DNAH3: variants seen among roughly 807,000 people sequenced by gnomAD.
DNAH3 encodes the protein dynein axonemal heavy chain 3.
DNAH3 carries 332 observed loss-of-function variants against 432.5 expected under a neutral mutation model. The ratio of observed to expected loss-of-function variants is 0.77; its 90% confidence interval spans 0.70 to 0.84. The LOEUF (loss-of-function observed/expected upper bound fraction) is 0.84, where lower values mean the gene tolerates loss of function less well. Ranked by LOEUF, DNAH3 falls within the 40% of genes least tolerant of loss-of-function variation. DNAH3 has a pLI of 0.00. For missense variants in DNAH3, 4,861 were observed against 5,114.0 expected (o/e 0.95, Z 1.51); for synonymous variants, 1,956 against 1,900.2 (o/e 1.03, Z -0.76).
At chr16:20,941,323 C>T (rs1596872277) in intron 59 of DNAH3, 78 bp downstream of exon 59, 1 of 1,570,170 alleles carries the variant, frequency 6.4e-7, no homozygotes. Flanking sequence ...GCATAGCAAC[C>T]CCTTCTCAGC....
chr16:21,154,781 G>A (rs2092887703), intron 1 of DNAH3, among the ~76,000 whole-genome samples: 1 of 152,148 alleles, frequency 6.6e-6, no homozygotes, highest in African/African-American at 2.4e-5. Flanking sequence ...AAACCTACAT[G>A]TAATCTGAGG....
At chr16:21,049,507 A>G in intron 31 of DNAH3, 62 bp downstream of exon 31, 1 of 1,354,560 alleles carries the variant, frequency 7.4e-7, no homozygotes, top group South Asian at 1.2e-5. Context: ...AGGGGTGCAG[A>G]GCCAAGAAAA....
chr16:21,121,984 A>G (rs2092353193), exon 10 of DNAH3: 4 of 1,613,484 alleles, frequency 2.5e-6, no homozygotes, highest in Non-Finnish European at 3.4e-6. Flanking sequence ...TTTCCAGGAA[A>G]GAGTCACGTA....
At chr16:21,020,348 G>GTGTGTGTA in intron 40 of DNAH3, among the ~76,000 whole-genome samples, 1 of 69,158 alleles carries the variant, frequency 1.4e-5, no homozygotes, top group African/African-American at 6.4e-5. Flanking sequence ...TATAGTGTGT[G>GTGTGTGTA]TATATATATA....
At chr16:21,051,856 A>C (rs1347104275) in exon 29 of DNAH3, 1 of 1,614,092 alleles carries the variant, frequency 6.2e-7, no homozygotes, top group South Asian at 1.1e-5. Context: ...TAACTTGGCC[A>C]CCACGTCGCG....
At position 21,098,734 on chromosome 16, in the gene DNAH3, T is replaced by C. The variant is rs777893778; in HGVS notation, c.2402A>G (p.His801Arg). Residue 801 changes from histidine (H) to arginine (R), a missense_variant, in exon 17 of 62, where the codon CAC becomes CGC. His to Arg is a conservative substitution (Grantham distance 29, BLOSUM62 0). Transcript: ENST00000261383. ...CTTCCTAAAACTTTCCAGTTCTCTG[T>C]GGTAGCCCTCAAGTCTCAACTCAAA... The C allele has an allele frequency of 3.0e-5, 48 of 1,613,448 alleles. No homozygotes were observed. The East Asian group carries it at 1.0e-3, about 35-fold the overall frequency.
chr16:21,078,603 G>A (rs2091064705), intron 20 of DNAH3, among the ~76,000 whole-genome samples: 1 of 152,222 alleles, frequency 6.6e-6, no homozygotes. Context: ...CAAGTCACTT[G>A]ACAGGCCTCA....
intron 1 of DNAH3, among the ~76,000 whole-genome samples, chr16:21,153,612 C>A (rs951347330): frequency 6.6e-6 from 1 of 152,136 alleles, no homozygotes; most frequent in Non-Finnish European, 1.5e-5. Flanking sequence ...GGGTTCATGC[C>A]GCCTTAATAG....
exon 57 of DNAH3, chr16:20,948,618 G>A (rs1226752271): frequency 3.1e-6 from 5 of 1,614,038 alleles, no homozygotes; most frequent in Admixed American, 1.7e-5. Context: ...CAGTCACTCT[G>A]CCTCCGTAAT....
In DNAH3 at chr16:20,975,276, T is replaced by C. The variant is rs190581636; in HGVS notation, c.8216A>G (p.Glu2739Gly). Residue 2739 changes from glutamate (E) to glycine (G), a missense_variant, in exon 51 of 62, where the codon GAA (glutamate) becomes GGA (glycine). Glu to Gly is a moderately conservative substitution (Grantham distance 98). Coordinates refer to ENST00000261383, the Ensembl canonical transcript of DNAH3. ...GGCAGCAGCAACATTGGCTTCTTTT[T>C]CATCTGCCTGCACCAGAAGTTTCTT... The C allele has an allele frequency of 1.3e-5, 21 of 1,614,124 alleles. No individual in the cohort carries two copies. The African/African-American group carries it at 2.8e-4, about 22-fold the overall frequency.
intron 21 of DNAH3, among the ~76,000 whole-genome samples, chr16:21,071,656 G>A (rs148075369): frequency 7.6e-4 from 115 of 152,166 alleles, no homozygotes; most frequent in Non-Finnish European, 1.4e-3. Flanking sequence ...GGGAGGCTGA[G>A]GTAGGAGGAT....
At chr16:20,964,564 G>T (rs751081608) in exon 53 of DNAH3, 2 of 1,614,214 alleles carry the variant, frequency 1.2e-6, no homozygotes, top group Non-Finnish European at 1.7e-6. Flanking sequence ...GTTGCTATCA[G>T]AGAACTTGAT....
intron 27 of DNAH3, among the ~76,000 whole-genome samples, chr16:21,055,279 C>T (rs376305686): frequency 2.8e-4 from 42 of 152,298 alleles, no homozygotes; most frequent in African/African-American, 8.9e-4. Flanking sequence ...TGGTCTCAAA[C>T]TCCTGACCTC....
At chr16:21,141,961 G>A (rs984936074) in intron 3 of DNAH3, among the ~76,000 whole-genome samples, 3 of 151,968 alleles carry the variant, frequency 2.0e-5, no homozygotes, top group African/African-American at 7.2e-5. Flanking sequence ...CTGAGGCAGG[G>A]AGAATTGCTT....
chr16:21,147,792 C>T (rs1254049854), intron 1 of DNAH3, among the ~76,000 whole-genome samples: 1 of 152,170 alleles, frequency 6.6e-6, no homozygotes, highest in Non-Finnish European at 1.5e-5. Flanking sequence ...AAGAAAGTGA[C>T]TACATTATTG....
intron 20 of DNAH3, among the ~76,000 whole-genome samples, chr16:21,081,040 C>T (rs1391236376): frequency 1.3e-5 from 2 of 152,130 alleles, no homozygotes; most frequent in African/African-American, 4.8e-5. Flanking sequence ...GCCTTAGCTT[C>T]CTGAGTAGCT....
chr16:21,067,776 GGA>G (rs60889532), intron 23 of DNAH3, among the ~76,000 whole-genome samples: 10,396 of 40,150 alleles, frequency 0.26, 1,301 homozygotes, highest in East Asian at 0.5. Context: ...GGGTGGGGAG[GGA>G]GAGAGAGAGA....
At chr16:21,057,471 T>C (rs1242276689) in intron 27 of DNAH3, among the ~76,000 whole-genome samples, 1 of 152,154 alleles carries the variant, frequency 6.6e-6, no homozygotes, top group Non-Finnish European at 1.5e-5. Flanking sequence ...TGACAATTCC[T>C]TGCATGTTAC....
exon 61 of DNAH3, chr16:20,935,360 T>G: frequency 6.2e-7 from 1 of 1,614,060 alleles, no homozygotes; most frequent in Non-Finnish European, 8.5e-7. Context: ...CAAACTCAAA[T>G]CCAATGTGGT....
Sources: gnomAD v4.1 joint callset for allele counts (sites outside exome capture counted in the v4.1 genomes callset) on GRCh38, gnomAD v4.1.1 for gene constraint, MANE v1.5 for transcripts, NCBI Gene and HGNC (gene_info 2026-07-23, HGNC 2026-07-21) for gene names.